The following FAS variants were observed in gnomAD, a reference collection of about 807,000 sequenced individuals.
FAS encodes tumor necrosis factor receptor superfamily member 6.
A neutral mutation model predicts 33.2 loss-of-function variants in FAS; 5 were observed. That is an observed-to-expected ratio of 0.15 (90% CI 0.08 to 0.32). The LOEUF (loss-of-function observed/expected upper bound fraction) is 0.32, where lower values mean the gene tolerates loss of function less well. FAS is among the 10% of genes least tolerant of loss of function. The pLI is 1.00. For missense variants in FAS, 339 were observed against 386.0 expected (o/e 0.88, Z 1.02); for synonymous variants, 131 against 130.7 (o/e 1.00, Z -0.01).
intron 2 of FAS, among the ~76,000 whole-genome samples, chr10:89,003,513 A>G (rs1848052596): frequency 6.6e-6 from 1 of 152,194 alleles, no homozygotes; most frequent in Non-Finnish European, 1.5e-5. Flanking sequence ...GTCAAAACTG[A>G]TTAGGATCTA....
At chr10:89,004,971 C>A (rs1163345175) in intron 2 of FAS, among the ~76,000 whole-genome samples, 4 of 151,994 alleles carry the variant, frequency 2.6e-5, no homozygotes, top group African/African-American at 9.7e-5. Flanking sequence ...TAATGAAATA[C>A]AAATACAGAG....
upstream of FAS, among the ~76,000 whole-genome samples, chr10:88,987,047 CCT>C (rs1315206528): frequency 7.9e-5 from 12 of 152,134 alleles, no homozygotes; most frequent in Non-Finnish European, 1.6e-4. Flanking sequence ...AGATCTCCGT[CCT>C]CTCTCTTCCT....
chr10:88,992,602 T>C (rs1847310304), intron 1 of FAS: 1 of 152,200 alleles, frequency 6.6e-6, no homozygotes, highest in Non-Finnish European at 1.5e-5. Context: ...ATAATACCTA[T>C]AAGTTAGGTA....
chr10:89,010,091 G>C (rs1336479456), intron 4 of FAS, among the ~76,000 whole-genome samples: 1 of 152,084 alleles, frequency 6.6e-6, no homozygotes, highest in East Asian at 1.9e-4. Flanking sequence ...CAGCCTCTAA[G>C]GGCCAGCTGA....
At chr10:88,999,172 T>TTAAAA (rs1847786115) in intron 1 of FAS, among the ~76,000 whole-genome samples, 2 of 143,974 alleles carry the variant, frequency 1.4e-5, no homozygotes, top group Non-Finnish European at 3.0e-5. Flanking sequence ...AATAAATAAA[T>TTAAAA]AAAATAAAAT....
chr10:89,009,403 T>C (rs1848413075), intron 4 of FAS, among the ~76,000 whole-genome samples: 1 of 152,212 alleles, frequency 6.6e-6, no homozygotes, highest in Non-Finnish European at 1.5e-5. Flanking sequence ...ATGACTTGAA[T>C]CTTGAAGAAA....
At position 89,016,265 on chromosome 10, in the gene FAS, C is replaced by T. The variant is rs946777941; in HGVS notation, c.*1815C>T. On this transcript the variant is annotated 3_prime_UTR_variant, in exon 9 of 9. Transcript: ENST00000652046. The stretch of plus-strand genomic sequence containing the variant: ...GATAGTTGTGCTTTGCTTAGGGTTC[C>T]CTCCTGTGTTATGGTCTGGAAAGTG... The T allele has an allele frequency of 1.4e-5, 3 of 216,924 alleles. No homozygotes were observed. Among genetic ancestry groups the T allele is most frequent in the Admixed American group, 5.8e-5 (1 of 17,178 alleles). 13.4% of individuals were successfully genotyped at this position (216,924 alleles called of 1,614,324 possible). A position where few individuals can be genotyped will look rare whatever the true frequency, so the allele number is the denominator to read the frequency against.
upstream of FAS, among the ~76,000 whole-genome samples, chr10:88,983,825 G>A (rs1292897875): frequency 6.6e-6 from 1 of 152,126 alleles, no homozygotes; most frequent in African/African-American, 2.4e-5. Flanking sequence ...CCCATTGAAT[G>A]ACTTGGAAAT....
At chr10:88,996,006 A>G (rs867860892) in intron 1 of FAS, among the ~76,000 whole-genome samples, 2 of 152,196 alleles carry the variant, frequency 1.3e-5, no homozygotes, top group Middle Eastern at 3.2e-3. Flanking sequence ...AAATTTGACA[A>G]TTTGACATTG....
intron 2 of FAS, among the ~76,000 whole-genome samples, chr10:88,978,837 C>G (rs1846637855): frequency 6.6e-6 from 1 of 152,084 alleles, no homozygotes; most frequent in African/African-American, 2.4e-5. Context: ...ACACCTGAAG[C>G]TATTAGAAGC....
At chr10:89,002,256 G>A (rs996398431) in intron 1 of FAS, among the ~76,000 whole-genome samples, 1 of 152,196 alleles carries the variant, frequency 6.6e-6, no homozygotes, top group Non-Finnish European at 1.5e-5. Flanking sequence ...AGAAGTCCTG[G>A]TCCTGAGTCT....
rs59583029 is a variant in FAS at position 88,993,305 on chromosome 10, AT to A, written c.30+2411del. On this transcript the variant is annotated intron_variant, in intron 1 of 8. Transcript: ENST00000652046. ...AATTTGAGAAATAGCTGTGGGTTGCATTTTTTTTTTTTATTGTGCATGACCC... is the reference window on the plus strand; with the variant it reads ...AATTTGAGAAATAGCTGTGGGTTGCATTTTTTTTTTTATTGTGCATGACCC... Among the ~76,000 whole-genome samples, 107 of 148,804 alleles carry A rather than the reference AT, an allele frequency of 7.2e-4. 1 individual carries two copies. Among genetic ancestry groups the A allele is most frequent in the Non-Finnish European group, 9.1e-4 (61 of 67,034 alleles).
At chr10:88,976,266 T>C (rs771204563) in intron 2 of FAS, among the ~76,000 whole-genome samples, 1 of 152,222 alleles carries the variant, frequency 6.6e-6, no homozygotes, top group Non-Finnish European at 1.5e-5. Context: ...CGTGTTGGGC[T>C]GCATTCAAAG....
chr10:88,975,622 G>A (rs545553870), intron 2 of FAS, among the ~76,000 whole-genome samples: 12 of 152,142 alleles, frequency 7.9e-5, no homozygotes, highest in African/African-American at 2.2e-4. Context: ...CCACTGGATC[G>A]TAAGTTCCAT....
At chr10:89,007,498 T>C (rs1848294966) in intron 2 of FAS, among the ~76,000 whole-genome samples, 1 of 152,204 alleles carries the variant, frequency 6.6e-6, no homozygotes, top group South Asian at 2.1e-4. Context: ...GTCACTCTTT[T>C]AGCTTTTGTC....
chr10:88,996,785 C>CA, intron 1 of FAS, among the ~76,000 whole-genome samples: 1 of 151,862 alleles, frequency 6.6e-6, no homozygotes, highest in Non-Finnish European at 1.5e-5. Context: ...AAAAATAATA[C>CA]AAAAAAACCC....
intron 2 of FAS, among the ~76,000 whole-genome samples, chr10:88,978,685 C>T (rs138726147): frequency 6.6e-6 from 1 of 152,148 alleles, no homozygotes; most frequent in African/African-American, 2.4e-5. Context: ...GGCTCCAGCT[C>T]ACCCTACTTC....
At chr10:89,008,734 T>A (rs1447787922) in intron 3 of FAS, among the ~76,000 whole-genome samples, 155 bp from the exon 4 acceptor site, 1 of 152,220 alleles carries the variant, frequency 6.6e-6, no homozygotes, top group Non-Finnish European at 1.5e-5. Context: ...GGGTTTCCTG[T>A]TCTGTGTTTA....
chr10:88,975,926 A>G (rs1344269777), intron 2 of FAS, among the ~76,000 whole-genome samples: 1 of 152,120 alleles, frequency 6.6e-6, no homozygotes, highest in Non-Finnish European at 1.5e-5. Context: ...ATAGAAGCCA[A>G]ATTTCTTTCC....
Sources: gnomAD v4.1 joint callset for allele counts (sites outside exome capture counted in the v4.1 genomes callset) on GRCh38, gnomAD v4.1.1 for gene constraint, MANE v1.5 for transcripts, NCBI Gene and HGNC (gene_info 2026-07-23, HGNC 2026-07-21) for gene names.